Variants in TBC1D22A observed in about 807,000 individuals in gnomAD.
TBC1D22A encodes the protein TBC1 domain family member 22A.
In TBC1D22A, 38 loss-of-function variants were observed where a neutral mutation model predicts 60.2. That is an observed-to-expected ratio of 0.63 (90% CI 0.49 to 0.83). The LOEUF (loss-of-function observed/expected upper bound fraction) is 0.83, where lower values mean the gene tolerates loss of function less well. TBC1D22A is among the 40% of genes least tolerant of loss of function. The pLI is 0.00. For missense variants in TBC1D22A, 628 were observed against 701.0 expected, an observed-to-expected ratio of 0.90 and a Z score of 1.18; for synonymous variants, 302 against 281.7, an observed-to-expected ratio of 1.07 and a Z score of -0.72.
At chr22:47,108,820 C>T (rs892033129) in intron 11 of TBC1D22A, among the ~76,000 whole-genome samples, 5 of 152,106 alleles carry the variant, frequency 3.3e-5, no homozygotes, top group Admixed American at 1.3e-4. Context: ...CTCAGCCTGC[C>T]GAGTAGCTGG....
At chr22:47,032,976 C>G (rs1004898423) in intron 10 of TBC1D22A, among the ~76,000 whole-genome samples, 1 of 152,264 alleles carries the variant, frequency 6.6e-6, no homozygotes, top group Non-Finnish European at 1.5e-5. Context: ...TGATTTTCCT[C>G]TGGGGCTGTC....
chr22:46,974,215 TC>T, intron 8 of TBC1D22A, 74 bp from the exon 9 acceptor site: 1 of 1,271,066 alleles, frequency 7.9e-7, no homozygotes, highest in Non-Finnish European at 1.1e-6. Flanking sequence ...GCTCTGTTCC[TC>T]CGTGGGCCCC....
Position 46,966,703 on chromosome 22 carries a change from A to G in TBC1D22A, c.1016-7587A>G, listed in dbSNP as rs1199863268. Among the ~76,000 whole-genome samples, 4 of 152,210 alleles carry G rather than the reference A, an allele frequency of 2.6e-5. No homozygotes were observed. In the South Asian group the frequency reaches 8.3e-4, roughly 32 times the overall value. ...CTTTTTACCGCAGTATCTATCCCAC[A>G]GTTGATATTTTCCCAAGTGTTGCCT... On this transcript the variant is annotated intron_variant, in intron 8 of 12. Coordinates refer to ENST00000337137, the MANE Select transcript of TBC1D22A (RefSeq NM_014346.5).
At chr22:46,825,604 G>C (rs1172148525) in intron 4 of TBC1D22A, among the ~76,000 whole-genome samples, 1 of 152,168 alleles carries the variant, frequency 6.6e-6, no homozygotes, top group African/African-American at 2.4e-5. Flanking sequence ...CTCCCAAGTA[G>C]CTGGGATTAC....
intron 11 of TBC1D22A, among the ~76,000 whole-genome samples, chr22:47,093,110 A>C (rs1355133350): frequency 6.6e-6 from 1 of 152,324 alleles, no homozygotes; most frequent in East Asian, 1.9e-4. Flanking sequence ...TGTATAATTC[A>C]TGAAGTTTTG....
chr22:46,869,107 T>G (rs1260858368), intron 4 of TBC1D22A, among the ~76,000 whole-genome samples: 1 of 152,248 alleles, frequency 6.6e-6, no homozygotes, highest in Non-Finnish European at 1.5e-5. Flanking sequence ...TGCTGACATT[T>G]CTTGTCTGCC....
At chr22:47,036,844 T>C (rs1781458666) in intron 10 of TBC1D22A, among the ~76,000 whole-genome samples, 1 of 152,210 alleles carries the variant, frequency 6.6e-6, no homozygotes, top group Non-Finnish European at 1.5e-5. Flanking sequence ...ATGATTATAA[T>C]CATCACTTCA....
intron 8 of TBC1D22A, among the ~76,000 whole-genome samples, chr22:46,925,231 A>G (rs1221100720): frequency 6.6e-6 from 1 of 152,206 alleles, no homozygotes; most frequent in Non-Finnish European, 1.5e-5. Context: ...CTCATAGCTT[A>G]GGTGCTTTTG....
chr22:47,152,533 C>A (rs2067543690), intron 12 of TBC1D22A, among the ~76,000 whole-genome samples: 1 of 152,222 alleles, frequency 6.6e-6, no homozygotes. Flanking sequence ...TCTGGCCGGC[C>A]ACAACCCCCC....
At chr22:47,128,789 G>T (rs1288042928) in intron 12 of TBC1D22A, among the ~76,000 whole-genome samples, 1 of 152,172 alleles carries the variant, frequency 6.6e-6, no homozygotes, top group African/African-American at 2.4e-5. Context: ...GCAAGCACCT[G>T]GCGACGGTGT....
intron 1 of TBC1D22A, chr22:46,763,278 C>G (rs999684149): frequency 5.9e-6 from 1 of 170,648 alleles, no homozygotes; most frequent in African/African-American, 2.4e-5. Context: ...TGCCTGTGGT[C>G]TCTTGAGGGC....
At chr22:46,879,401 A>G (rs2067739007) in intron 5 of TBC1D22A, among the ~76,000 whole-genome samples, 1 of 152,166 alleles carries the variant, frequency 6.6e-6, no homozygotes, top group Non-Finnish European at 1.5e-5. Flanking sequence ...AATTGTTTAT[A>G]GACAGTTTTC....
chr22:47,079,805 A>C (rs547117892), intron 11 of TBC1D22A, among the ~76,000 whole-genome samples: 91 of 152,376 alleles, frequency 6.0e-4, no homozygotes, highest in Non-Finnish European at 1.0e-3. Flanking sequence ...GTTAGATATA[A>C]ATGGATTAAA....
intron 12 of TBC1D22A, among the ~76,000 whole-genome samples, chr22:47,129,848 G>T (rs1251063818): frequency 1.3e-5 from 2 of 152,250 alleles, no homozygotes; most frequent in Non-Finnish European, 2.9e-5. Flanking sequence ...AGCCTTTCAG[G>T]TTGCTGTGTC....
intron 11 of TBC1D22A, among the ~76,000 whole-genome samples, chr22:47,087,649 T>C (rs2064751103): frequency 1.3e-5 from 2 of 152,248 alleles, no homozygotes; most frequent in Admixed American, 6.5e-5. Flanking sequence ...TTTGCACATA[T>C]ATCTATTAAG....
At chr22:46,941,108 TACACACACACAC>T (rs145138507) in intron 8 of TBC1D22A, among the ~76,000 whole-genome samples, 6,722 of 77,310 alleles carry the variant, frequency 0.087, 341 homozygotes, top group Admixed American at 0.12. Flanking sequence ...GGCACTAGCA[TACACACACACAC>T]ACACACACAC....
rs1490650949 is a variant in TBC1D22A at position 47,097,201 on chromosome 22, TGTC to T, written c.1330-14304_1330-14302del. ...TTGCTGTCTGATACAGTCTTCACCT[TGTC>T]GTTTTGTCTTTGCAGTTGTCATGCT... is the stretch of plus-strand genomic sequence containing the variant. On this transcript the variant is annotated intron_variant, in intron 11 of 12. Coordinates refer to ENST00000337137, the MANE Select transcript of TBC1D22A (RefSeq NM_014346.5). Among the ~76,000 whole-genome samples, 7 of 152,412 alleles carry T rather than the reference TGTC, an allele frequency of 4.6e-5. No individual in the cohort carries two copies. The East Asian group carries it at 1.3e-3, about 29-fold the overall frequency.
At chr22:46,799,182 C>T (rs1223932793) in intron 4 of TBC1D22A, among the ~76,000 whole-genome samples, 1 of 152,174 alleles carries the variant, frequency 6.6e-6, no homozygotes, top group Non-Finnish European at 1.5e-5. Flanking sequence ...ATGGCCCATG[C>T]ATCTGTTGTT....
chr22:47,123,994 C>T (rs2066363021), intron 12 of TBC1D22A, among the ~76,000 whole-genome samples: 2 of 152,180 alleles, frequency 1.3e-5, no homozygotes, highest in African/African-American at 4.8e-5. Flanking sequence ...TCTGATGCAA[C>T]ACCGTGAAAC....
Sources: allele counts gnomAD v4.1 joint callset (sites outside exome capture counted in the v4.1 genomes callset), GRCh38; gene constraint gnomAD v4.1.1; transcripts MANE v1.5; gene names NCBI Gene and HGNC (gene_info 2026-07-23, HGNC 2026-07-21).